Variants in IFI44 observed in about 807,000 individuals in gnomAD.
IFI44 encodes the protein interferon-induced protein 44.
A neutral mutation model predicts 45.0 loss-of-function variants in IFI44; 42 were observed. That is an observed-to-expected ratio of 0.93 (90% CI 0.73 to 1.21). The LOEUF (loss-of-function observed/expected upper bound fraction) is 1.21, where lower values mean the gene tolerates loss of function less well. Among genes scored for constraint, IFI44 ranks in the 50% most tolerant of loss-of-function variants. The pLI, the probability that IFI44 is intolerant of heterozygous loss-of-function variation, is 0.00. For missense variants in IFI44, 623 were observed against 525.8 expected (o/e 1.18, Z -1.81); for synonymous variants, 221 against 188.6 (o/e 1.17, Z -1.41).
intron 7 of IFI44, chr1:78,660,888 C>T (rs576643096): frequency 1.8e-5 from 9 of 495,944 alleles, no homozygotes; most frequent in South Asian, 1.4e-4. Flanking sequence ...TGCTTAATGG[C>T]ATAGTATTTG....
intron 8 of IFI44, 51 bp downstream of exon 8, chr1:78,662,929 C>G: frequency 3.7e-6 from 6 of 1,612,588 alleles, no homozygotes; most frequent in Non-Finnish European, 5.1e-6. Context: ...TAGTTGGCTA[C>G]TTTCTGCTTG....
At chr1:78,651,225 T>C (rs530242384) in intron 2 of IFI44, among the ~76,000 whole-genome samples, 70 of 152,280 alleles carry the variant, frequency 4.6e-4, no homozygotes, top group African/African-American at 1.6e-3. Flanking sequence ...TAATATACAA[T>C]GAAATAATTA....
At position 78,650,865 on chromosome 1, in the gene IFI44, C is replaced by T. The variant is rs1647113329; in HGVS notation, c.457+213C>T. ...GAACCCTTAACGTAAGATTTATCCT[C>T]TTAGCACATTTTAAGTACAGTAAAT... On this transcript the variant is annotated intron_variant, in intron 2 of 8. Coordinates refer to ENST00000370747, the MANE Select transcript of IFI44 (RefSeq NM_006417.5). 2.0e-5 allele frequency among the ~76,000 whole-genome samples: 3 copies of T among 152,198 alleles called. No homozygotes were observed. In the South Asian group the frequency reaches 6.2e-4, roughly 32 times the overall value.
chr1:78,650,592 C>T lies in IFI44; in HGVS notation c.397C>T (p.Leu133Phe), dbSNP rs903569372. Residue 133 changes from leucine to phenylalanine, a missense_variant, in exon 2 of 9, where the codon CTT becomes TTT. Physicochemically the swap from Leu to Phe is conservative, Grantham distance 22. Transcript: ENST00000370747. ...TATGGACTTAAAGACAATGGAAAAT[C>T]TTGGACTTGCTCAAAATTGTACTAT... ...VIMDLKTMEN[L>F]GLAQNCTISI... 5.0e-6 allele frequency: 8 copies of T among 1,610,476 alleles called. No individual in the cohort carries two copies. Among genetic ancestry groups the T allele is most frequent in the Non-Finnish European group, 6.8e-6 (8 of 1,178,838 alleles).
At chr1:78,657,266 G>C (rs1647234773) in intron 5 of IFI44, among the ~76,000 whole-genome samples, 2 of 151,914 alleles carry the variant, frequency 1.3e-5, no homozygotes, top group Non-Finnish European at 1.5e-5. Context: ...CAGTCTCTTT[G>C]ATTGTATGTT....
At chr1:78,652,540 C>A (rs535552459) in intron 2 of IFI44, among the ~76,000 whole-genome samples, 1 of 152,338 alleles carries the variant, frequency 6.6e-6, no homozygotes, top group Non-Finnish European at 1.5e-5. Flanking sequence ...AGTCAGTTGT[C>A]TTCCTTTTTT....
chr1:78,658,262 A>G (rs2100461993), intron 5 of IFI44, among the ~76,000 whole-genome samples: 1 of 152,210 alleles, frequency 6.6e-6, no homozygotes, highest in East Asian at 1.9e-4. Flanking sequence ...TTTATCTTAT[A>G]TAACATCTAT....
rs148615472 is a variant in IFI44, at chr1:78,650,103, TAA to T, written c.-10-82_-10-81del. On this transcript the variant is annotated intron_variant, in intron 1 of 8. Coordinates refer to ENST00000370747, the MANE Select transcript of IFI44 (RefSeq NM_006417.5). ...CATTTTTTGTATTATGTAGAGTATA[TAA>T]GAGGCATAAATGCAAATTTTATAAC... 4,354 of 911,696 alleles carry T rather than the reference TAA, an allele frequency of 4.8e-3. 62 individuals are homozygous for T. Among genetic ancestry groups the T allele is most frequent in the African/African-American group, 0.04 (2,413 of 59,612 alleles). 56.5% of individuals were successfully genotyped at this position (911,696 alleles called of 1,614,324 possible).
Position 78,663,933 on chromosome 1 carries a change from T to A in IFI44, c.*122T>A. 5 of 771,268 alleles carry A rather than the reference T, an allele frequency of 6.5e-6. No individual in the cohort carries two copies. The highest frequency in any genetic ancestry group is 3.1e-5 in the Admixed American group (1 of 32,074). The allele number at this position is 771,268 out of a possible 1,614,324, so 47.8% of individuals were successfully genotyped here. On this transcript the variant is annotated 3_prime_UTR_variant, in exon 9 of 9. Coordinates refer to ENST00000370747, the MANE Select transcript of IFI44 (RefSeq NM_006417.5). ...GGATGTGTTTTATTAATGTCTAGGA[T>A]GAAGAAATGCATAGAACATTGTAGT... is the stretch of plus-strand genomic sequence containing the variant.
At position 78,662,726 on chromosome 1, in the gene IFI44, T is replaced by C. The variant is rs1214978400; in HGVS notation, c.1136T>C (p.Leu379Pro). 1.9e-6 allele frequency: 3 copies of C among 1,613,576 alleles called. No individual in the cohort carries two copies. Among genetic ancestry groups the C allele is most frequent in the Non-Finnish European group, 2.5e-6 (3 of 1,179,798 alleles). Residue 379 changes from leucine to proline, a missense_variant, in exon 8 of 9, where the codon CTT becomes CCT. Leu to Pro is a moderately conservative substitution (Grantham distance 98, BLOSUM62 -3). Coordinates refer to ENST00000370747, the MANE Select transcript of IFI44 (RefSeq NM_006417.5). ...RSKLEEVQRKLGFALSDISVV... is the reference protein window; with the variant it reads ...RSKLEEVQRKPGFALSDISVV... ...CAGCTAGAGGAAGTCCAAAGAAAAC[T>C]TGGATTTGCTCTTTCTGACATCTCG...
intron 2 of IFI44, among the ~76,000 whole-genome samples, chr1:78,653,703 C>G (rs1647159500): frequency 6.6e-6 from 1 of 152,174 alleles, no homozygotes; most frequent in Non-Finnish European, 1.5e-5. Context: ...GTCTCATCTT[C>G]TCTTCTGGGA....
rs553580943 is a variant in IFI44, at chr1:78,659,345, C to G, written c.874C>G (p.His292Asp). The change falls in exon 6 of 9, where the codon CAT becomes GAT. Residue 292 changes from histidine to aspartate, a missense_variant. Transcript: ENST00000370747. ...CATGGAATCAATCAAATTAAATCAT[C>G]ATGACTACATTGATTCCCCATCGCT... Reference protein sequence around the residue: ...NPMESIKLNHHDYIDSPSLKD... With the variant: ...NPMESIKLNHDDYIDSPSLKD... The G allele has an allele frequency of 5.0e-6, 8 of 1,613,002 alleles. No individual in the cohort carries two copies. The South Asian group carries it at 5.5e-5, about 11-fold the overall frequency.
intron 5 of IFI44, among the ~76,000 whole-genome samples, chr1:78,657,140 C>T (rs1275301564): frequency 6.6e-6 from 1 of 151,854 alleles, no homozygotes; most frequent in Non-Finnish European, 1.5e-5. Context: ...TCTTATCCCA[C>T]CTAAAATTTA....
intron 2 of IFI44, among the ~76,000 whole-genome samples, chr1:78,653,322 G>A (rs569851393): frequency 2.6e-5 from 4 of 151,872 alleles, no homozygotes; most frequent in African/African-American, 9.7e-5. Context: ...TTCCTTTTGG[G>A]TATTAAAGTT....
chr1:78,660,707 C>T (rs753472272), intron 7 of IFI44, 53 bp downstream of exon 7: 1 of 1,102,050 alleles, frequency 9.1e-7, no homozygotes, highest in East Asian at 2.4e-5. Context: ...TTACTACAAT[C>T]ACATACTAGT....
chr1:78,656,199 T>C (rs916405372), intron 5 of IFI44, among the ~76,000 whole-genome samples: 1 of 152,164 alleles, frequency 6.6e-6, no homozygotes, highest in African/African-American at 2.4e-5. Flanking sequence ...TAATGTGTCA[T>C]AGCAGCCCCA....
At chr1:78,656,880 T>A (rs1459823054) in intron 5 of IFI44, among the ~76,000 whole-genome samples, 2 of 151,608 alleles carry the variant, frequency 1.3e-5, no homozygotes, top group Admixed American at 6.6e-5. Flanking sequence ...TATTCTTTTT[T>A]AAATACAAAC....
intron 3 of IFI44, among the ~76,000 whole-genome samples, chr1:78,654,786 G>A (rs1254140278): frequency 9.9e-5 from 15 of 152,020 alleles, no homozygotes; most frequent in Non-Finnish European, 2.9e-5. Context: ...ATATGGTCTA[G>A]TAATTTAAAT....
chr1:78,663,093 C>T, intron 8 of IFI44: 1 of 985,246 alleles, frequency 1.0e-6, no homozygotes, highest in Non-Finnish European at 1.2e-6. Context: ...CTATGTTTTT[C>T]CCTTTTTGTC....
Sources: gnomAD v4.1 joint callset for allele counts (sites outside exome capture counted in the v4.1 genomes callset) on GRCh38, gnomAD v4.1.1 for gene constraint, MANE v1.5 for transcripts, NCBI Gene and HGNC (gene_info 2026-07-23, HGNC 2026-07-21) for gene names.